Variants in C8orf88 observed in about 807,000 individuals in gnomAD.
The protein encoded by C8orf88 is uncharacterized protein C8orf88.
Under a neutral mutation model 18.4 loss-of-function variants are expected in C8orf88, and 14 were observed. That is an observed-to-expected ratio of 0.76 (90% CI 0.50 to 1.19). The LOEUF is 1.19. Ranked by LOEUF, C8orf88 falls within the 50% of genes most tolerant of loss-of-function variation. The pLI, the probability that C8orf88 is intolerant of heterozygous loss-of-function variation, is 0.00. For synonymous variants in C8orf88, 45 were observed against 42.9 expected (o/e 1.05, Z -0.19); for missense variants, 116 against 134.7 (o/e 0.86, Z 0.69).
chr8:90,974,684 C>A (rs989207077), intron 3 of C8orf88, among the ~76,000 whole-genome samples: 1 of 151,704 alleles, frequency 6.6e-6, no homozygotes, highest in Admixed American at 6.6e-5. Flanking sequence ...CCAGACAGAG[C>A]CATGGATTTA....
chr8:90,964,225 T>C (rs1811164588), intron 4 of C8orf88, among the ~76,000 whole-genome samples: 1 of 151,630 alleles, frequency 6.6e-6, no homozygotes, highest in African/African-American at 2.4e-5. Context: ...TCTTCACACA[T>C]AGATACATCA....
chr8:90,968,657 CATATATAT>C lies in C8orf88; in HGVS notation c.223+2401_223+2408del, dbSNP rs34558575. ...TCTCCAGTAGAGAATGAAAAGACAA[CATATATAT>C]ATATATATATATATATATATGCACA... On this transcript the variant is annotated intron_variant, in intron 4 of 5. Coordinates refer to ENST00000517562, the MANE Select transcript of C8orf88 (RefSeq NM_001190972.2). Among the ~76,000 whole-genome samples the C allele has an allele frequency of 2.3e-3, 171 of 72,822 alleles. 9 individuals are homozygous for C. The highest frequency in any genetic ancestry group is 6.9e-3 in the African/African-American group (133 of 19,414). 47.8% of individuals were successfully genotyped at this position (72,822 alleles called of 152,430 possible). A position where few individuals can be genotyped will look rare whatever the true frequency, so the allele number is the denominator to read the frequency against.
intron 5 of C8orf88, among the ~76,000 whole-genome samples, chr8:90,960,079 C>A (rs1277955314): frequency 1.3e-5 from 2 of 151,396 alleles, no homozygotes; most frequent in Admixed American, 1.3e-4. Flanking sequence ...TACCGGTACA[C>A]AGAATGGAGC....
chr8:90,966,083 A>G (rs568887241), intron 4 of C8orf88, among the ~76,000 whole-genome samples: 1 of 151,822 alleles, frequency 6.6e-6, no homozygotes, highest in South Asian at 2.1e-4. Context: ...CAGCAAAATC[A>G]AAAGTTGGTT....
At chr8:90,974,787 GA>G (rs201040675) in intron 3 of C8orf88, among the ~76,000 whole-genome samples, 12 of 151,378 alleles carry the variant, frequency 7.9e-5, no homozygotes, top group South Asian at 2.1e-4. Context: ...AACACAGAAA[GA>G]AAAAAAACAT....
In C8orf88 at chr8:90,968,042, T is replaced by C. The variant is rs570803335; in HGVS notation, c.223+3024A>G. On this transcript the variant is annotated intron_variant, in intron 4 of 5. Transcript: ENST00000517562. ...AACGCTATCCCTATCAAATTTCTAA[T>C]GGCCTCTTTTGCAGAAATGGAAACG... 2.2e-4 allele frequency among the ~76,000 whole-genome samples: 34 copies of C among 151,782 alleles called. 2 individuals carry two copies. The highest frequency in any genetic ancestry group is 1.0e-4 in the Non-Finnish European group (7 of 67,796).
intron 3 of C8orf88, among the ~76,000 whole-genome samples, chr8:90,973,018 C>T (rs992423605): frequency 3.3e-5 from 5 of 152,102 alleles, no homozygotes; most frequent in Non-Finnish European, 7.4e-5. Context: ...ACATGACAAG[C>T]ACTGTGCTTT....
In C8orf88 at chr8:90,980,460, T is replaced by C. The variant is rs761869843; in HGVS notation, c.-25A>G. 38 of 1,396,064 alleles carry C rather than the reference T, an allele frequency of 2.7e-5. No individual in the cohort carries two copies. In the East Asian group the frequency reaches 3.3e-4, roughly 12 times the overall value. 86.5% of individuals were successfully genotyped at this position (1,396,064 alleles called of 1,614,324 possible). A position where few individuals can be genotyped will look rare whatever the true frequency, so the allele number is the denominator to read the frequency against. ...TTGTCACAAAGACTTTGAGGTTCCA[T>C]ACTAGAAGACAAAAAAATACATTTT... On this transcript the variant is annotated splice_region_variant and 5_prime_UTR_variant, in exon 2 of 6. It removes an upstream start codon present in the reference 5' UTR. Transcript: ENST00000517562.
chr8:90,976,162 G>A (rs188302374), intron 3 of C8orf88, among the ~76,000 whole-genome samples: 2 of 152,078 alleles, frequency 1.3e-5, no homozygotes, highest in East Asian at 1.9e-4. Flanking sequence ...TTATTGCAAG[G>A]GGATATAAGG....
At chr8:90,977,389 C>T (rs1014856996) in intron 3 of C8orf88, among the ~76,000 whole-genome samples, 8 of 152,048 alleles carry the variant, frequency 5.3e-5, no homozygotes, top group African/African-American at 1.9e-4. Context: ...TAATTCTACT[C>T]TAACTTTATG....
intron 3 of C8orf88, 59 bp downstream of exon 3, chr8:90,978,516 CATCT>C: frequency 1.0e-6 from 1 of 961,994 alleles, no homozygotes. Flanking sequence ...ACACAATAGC[CATCT>C]AACACATGTT....
intron 4 of C8orf88, among the ~76,000 whole-genome samples, chr8:90,965,359 CAGAA>C (rs1295847697): frequency 6.6e-6 from 1 of 151,686 alleles, no homozygotes; most frequent in Non-Finnish European, 1.5e-5. Context: ...TACCCAACAA[CAGAA>C]AGAAAAACAC....
intron 4 of C8orf88, 132 bp from the exon 5 acceptor site, chr8:90,960,980 A>C: frequency 2.4e-6 from 1 of 420,576 alleles, no homozygotes. Flanking sequence ...GCAAAAGAGA[A>C]GGAGAAAAAA....
At chr8:90,963,153 G>A (rs1264710707) in intron 4 of C8orf88, among the ~76,000 whole-genome samples, 1 of 151,608 alleles carries the variant, frequency 6.6e-6, no homozygotes, top group Non-Finnish European at 1.5e-5. Flanking sequence ...GGGCTTCTTT[G>A]TTTTTCAGTT....
intron 4 of C8orf88, among the ~76,000 whole-genome samples, chr8:90,970,159 T>C (rs762523366): frequency 2.6e-4 from 39 of 152,008 alleles, no homozygotes; most frequent in Non-Finnish European, 5.3e-4. Flanking sequence ...ACAGTCATAG[T>C]AGTATAAAGA....
At chr8:90,967,342 A>G (rs1185120557) in intron 4 of C8orf88, among the ~76,000 whole-genome samples, 2 of 151,804 alleles carry the variant, frequency 1.3e-5, no homozygotes, top group African/African-American at 2.4e-5. Flanking sequence ...GAATTTTTGT[A>G]TCTATATTTG....
At chr8:90,976,553 C>T (rs1179907813) in intron 3 of C8orf88, among the ~76,000 whole-genome samples, 1 of 151,914 alleles carries the variant, frequency 6.6e-6, no homozygotes, top group African/African-American at 2.4e-5. Context: ...ATTTCTATGA[C>T]TTATAGAAAA....
At chr8:90,960,231 G>A (rs1024703079) in intron 5 of C8orf88, among the ~76,000 whole-genome samples, 8 of 151,388 alleles carry the variant, frequency 5.3e-5, no homozygotes, top group Non-Finnish European at 1.0e-4. Context: ...GCTAAGAATA[G>A]CAAAGACATG....
intron 3 of C8orf88, among the ~76,000 whole-genome samples, chr8:90,976,982 A>AT (rs1262144359): frequency 1.3e-5 from 2 of 152,202 alleles, no homozygotes; most frequent in Admixed American, 6.5e-5. Context: ...AAAATGCCAC[A>AT]TAAAAAATGA....
Sources: gnomAD v4.1 joint callset for allele counts (sites outside exome capture counted in the v4.1 genomes callset) on GRCh38, gnomAD v4.1.1 for gene constraint, MANE v1.5 for transcripts, NCBI Gene and HGNC (gene_info 2026-07-23, HGNC 2026-07-21) for gene names.